The following BACH2 variants were observed in gnomAD, a reference collection of about 807,000 sequenced individuals.
The protein encoded by BACH2 is BACH transcriptional regulator 2.
BACH2 carries 5 observed loss-of-function variants against 61.8 expected under a neutral mutation model. The ratio of observed to expected loss-of-function variants is 0.08; its 90% CI spans 0.04 to 0.17. The LOEUF (loss-of-function observed/expected upper bound fraction) is 0.17. Among genes scored for constraint, BACH2 ranks in the 10% least tolerant of loss-of-function variants. The pLI, the probability that BACH2 is intolerant of heterozygous loss-of-function variation, is 1.00. For synonymous variants in BACH2, 446 were observed against 440.1 expected, an observed-to-expected ratio of 1.01 and a Z score of -0.17; for missense variants, 824 against 1,091.1, an observed-to-expected ratio of 0.76 and a Z score of 3.45.
intron 4 of BACH2, among the ~76,000 whole-genome samples, chr6:90,155,173 A>T (rs1784954352): frequency 1.3e-5 from 2 of 152,244 alleles, no homozygotes; most frequent in South Asian, 4.1e-4. Flanking sequence ...TGAATTACCC[A>T]AAACATCAGG....
chr6:90,150,084 T>A (rs1344557425), intron 4 of BACH2, among the ~76,000 whole-genome samples: 1 of 152,210 alleles, frequency 6.6e-6, no homozygotes, highest in Non-Finnish European at 1.5e-5. Flanking sequence ...CCTTTCTTAT[T>A]GTTCTGATCA....
At chr6:90,204,248 G>A (rs979912324) in intron 4 of BACH2, among the ~76,000 whole-genome samples, 1 of 152,086 alleles carries the variant, frequency 6.6e-6, no homozygotes, top group Non-Finnish European at 1.5e-5. Context: ...TGCACAATTC[G>A]AATGTCTCCA....
intron 3 of BACH2, among the ~76,000 whole-genome samples, chr6:90,211,677 A>C: frequency 6.7e-6 from 1 of 150,158 alleles, no homozygotes; most frequent in Non-Finnish European, 1.5e-5. Flanking sequence ...CAAATACTGA[A>C]TGGAATATGG....
chr6:90,156,248 G>A (rs1255126403), intron 4 of BACH2, among the ~76,000 whole-genome samples: 1 of 152,138 alleles, frequency 6.6e-6, no homozygotes, highest in East Asian at 1.9e-4. Context: ...TAATACTTTT[G>A]TATAGCACTT....
chr6:90,224,232 A>G (rs1769835693), intron 3 of BACH2, among the ~76,000 whole-genome samples: 1 of 152,238 alleles, frequency 6.6e-6, no homozygotes, highest in South Asian at 2.1e-4. Flanking sequence ...TATTTAAGGT[A>G]AAAGAGTATC....
chr6:90,103,760 T>C (rs1782780485), intron 4 of BACH2, among the ~76,000 whole-genome samples: 1 of 152,206 alleles, frequency 6.6e-6, no homozygotes, highest in Non-Finnish European at 1.5e-5. Context: ...ATTTCATGCT[T>C]TTCTGTCAAC....
At chr6:90,093,416 C>T (rs1336789924) in intron 4 of BACH2, among the ~76,000 whole-genome samples, 1 of 152,164 alleles carries the variant, frequency 6.6e-6, no homozygotes, top group African/African-American at 2.4e-5. Flanking sequence ...TGCTATTCTA[C>T]TAACACTGTT....
chr6:90,226,547 C>T (rs889346339), intron 3 of BACH2, among the ~76,000 whole-genome samples: 4 of 152,116 alleles, frequency 2.6e-5, no homozygotes, highest in Non-Finnish European at 5.9e-5. Context: ...CTAGTCCCAA[C>T]GTCACTGTTA....
chr6:90,276,363 A>T (rs1474907821), intron 1 of BACH2, among the ~76,000 whole-genome samples: 2 of 152,214 alleles, frequency 1.3e-5, no homozygotes, highest in Non-Finnish European at 2.9e-5. Context: ...TTCTCTGCCT[A>T]GTCTGCTTAA....
At chr6:90,122,305 T>C (rs1362761465) in intron 4 of BACH2, among the ~76,000 whole-genome samples, 1 of 152,188 alleles carries the variant, frequency 6.6e-6, no homozygotes, top group East Asian at 1.9e-4. Context: ...GAGAAATCTG[T>C]AGCGTGAAGC....
At chr6:90,168,425 C>T (rs534127662) in intron 4 of BACH2, among the ~76,000 whole-genome samples, 1 of 152,214 alleles carries the variant, frequency 6.6e-6, no homozygotes, top group Admixed American at 6.5e-5. Flanking sequence ...ACTATTCTGC[C>T]ATTAAAATTT....
chr6:89,972,938 A>T (rs1775449659), intron 6 of BACH2, among the ~76,000 whole-genome samples: 1 of 152,128 alleles, frequency 6.6e-6, no homozygotes, highest in South Asian at 2.1e-4. Flanking sequence ...AAATACAAAA[A>T]AATTAGCTGG....
chr6:90,255,631 A>G (rs1211229405), intron 2 of BACH2, among the ~76,000 whole-genome samples: 1 of 152,214 alleles, frequency 6.6e-6, no homozygotes, highest in African/African-American at 2.4e-5. Context: ...CAATGAGACA[A>G]ATTTGCAAAA....
At chr6:90,039,987 C>G (rs1296734464) in intron 5 of BACH2, among the ~76,000 whole-genome samples, 1 of 147,360 alleles carries the variant, frequency 6.8e-6, no homozygotes, top group Non-Finnish European at 1.5e-5. Context: ...AGTTCTATCT[C>G]TAGATGAGTT....
At chr6:90,095,601 T>C (rs1385108703) in intron 4 of BACH2, among the ~76,000 whole-genome samples, 3 of 152,150 alleles carry the variant, frequency 2.0e-5, no homozygotes, top group African/African-American at 7.2e-5. Flanking sequence ...CATAAAAGGA[T>C]GGTGCAGGCA....
At chr6:90,160,154 C>A (rs925464595) in intron 4 of BACH2, among the ~76,000 whole-genome samples, 7 of 152,178 alleles carry the variant, frequency 4.6e-5, no homozygotes, top group Non-Finnish European at 8.8e-5. Flanking sequence ...AAGAGCAGTC[C>A]ATCATCTCTT....
chr6:90,270,058 A>G (rs1450996119), intron 2 of BACH2, among the ~76,000 whole-genome samples: 2 of 151,998 alleles, frequency 1.3e-5, no homozygotes, highest in African/African-American at 4.8e-5. Flanking sequence ...GAATGCCATT[A>G]TTTTGTTCCT....
At chr6:90,241,882 T>G (rs1770466298) in intron 3 of BACH2, among the ~76,000 whole-genome samples, 1 of 152,122 alleles carries the variant, frequency 6.6e-6, no homozygotes, top group African/African-American at 2.4e-5. Context: ...TTTGTTTTGT[T>G]TTGTCTTGGA....
At chr6:90,100,364 TTGTGGTCAAACA>T (rs1349064556) in intron 4 of BACH2, among the ~76,000 whole-genome samples, 1 of 152,176 alleles carries the variant, frequency 6.6e-6, no homozygotes, top group African/African-American at 2.4e-5. Flanking sequence ...ATACCAAGAC[TTGTGGTCAAACA>T]TGTTTGGGTG....
Sources: gnomAD v4.1 joint callset for allele counts (sites outside exome capture counted in the v4.1 genomes callset) on GRCh38, gnomAD v4.1.1 for gene constraint, MANE v1.5 for transcripts, NCBI Gene and HGNC (gene_info 2026-07-23, HGNC 2026-07-21) for gene names.